EHD4: variants seen among roughly 807,000 people sequenced by gnomAD.
EHD4 encodes EH domain-containing protein 4.
Under a neutral mutation model 51.0 loss-of-function variants are expected in EHD4, and 37 were observed. That is an observed-to-expected ratio of 0.73 (90% CI 0.56 to 0.95). EHD4 has a LOEUF of 0.95. Ranked by LOEUF, EHD4 falls within the 40% of genes least tolerant of loss-of-function variation. The probability of loss-of-function intolerance (pLI) is 0.00; values close to 1 mark genes in which losing one functional copy is unlikely to be tolerated. For synonymous variants in EHD4, 297 were observed against 317.3 expected (o/e 0.94, Z 0.68); for missense variants, 632 against 733.1 (o/e 0.86, Z 1.59).
rs1386619542 is a variant in EHD4, at chr15:41,896,512, C to T, written c.*4133G>A. ...ACCAAGGGGATGTGGTCAATCTCAT[C>T]CAAACCTCACTTGAAGTGAGGGTGG... is the stretch of plus-strand genomic sequence containing the variant. On this transcript the variant is annotated 3_prime_UTR_variant, in exon 6 of 6. Transcript: ENST00000220325. 1 of 152,084 alleles carries T rather than the reference C, an allele frequency of 6.6e-6. No individual in the cohort carries two copies. The highest frequency in any genetic ancestry group is 1.5e-5 in the Non-Finnish European group (1 of 68,022). 9.4% of individuals were successfully genotyped at this position (152,084 alleles called of 1,614,324 possible).
chr15:41,915,027 C>CAAGCCCAG (rs1312499602), intron 4 of EHD4, among the ~76,000 whole-genome samples: 2 of 151,930 alleles, frequency 1.3e-5, no homozygotes, highest in Non-Finnish European at 2.9e-5. Context: ...AGTTACCCTC[C>CAAGCCCAG]AAGCCCAGAG....
chr15:41,948,657 G>T (rs1047071741), intron 2 of EHD4, among the ~76,000 whole-genome samples: 1 of 152,178 alleles, frequency 6.6e-6, no homozygotes, highest in East Asian at 1.9e-4. Context: ...GGGGGAAGCC[G>T]CACGTGCTTG....
intron 3 of EHD4, among the ~76,000 whole-genome samples, chr15:41,936,585 G>T (rs1019926051): frequency 2.0e-5 from 3 of 152,198 alleles, no homozygotes; most frequent in African/African-American, 7.2e-5. Flanking sequence ...TATATGCAAA[G>T]TAAGTGAAGT....
At chr15:41,915,658 T>G (rs972373397) in intron 4 of EHD4, among the ~76,000 whole-genome samples, 1 of 152,226 alleles carries the variant, frequency 6.6e-6, no homozygotes, top group Non-Finnish European at 1.5e-5. Flanking sequence ...TGAGTCTAAT[T>G]TCTTTAATTT....
At chr15:41,949,051 T>TATATATATATATATATATATATATATAC (rs1491135423) in intron 2 of EHD4, among the ~76,000 whole-genome samples, 10 of 109,422 alleles carry the variant, frequency 9.1e-5, no homozygotes, top group Non-Finnish European at 1.5e-4. Flanking sequence ...TATATATATA[T>TATATATATATATATATATATATATATAC]ACACACATAC....
chr15:41,928,597 A>T (rs1464194457), intron 3 of EHD4: 4 of 152,256 alleles, frequency 2.6e-5, no homozygotes, highest in African/African-American at 9.6e-5. Context: ...GAAAACAAAT[A>T]TGCATATTGT....
intron 2 of EHD4, among the ~76,000 whole-genome samples, chr15:41,946,386 C>G (rs2067814965): frequency 6.6e-6 from 1 of 152,112 alleles, no homozygotes; most frequent in African/African-American, 2.4e-5. Context: ...AAGTAATGGT[C>G]CAGGCTATGA....
chr15:41,906,414 G>A (rs1181167380), intron 5 of EHD4, among the ~76,000 whole-genome samples: 1 of 152,174 alleles, frequency 6.6e-6, no homozygotes, highest in Non-Finnish European at 1.5e-5. Context: ...CCTCTTCACT[G>A]AGAGTTGTTT....
chr15:41,912,329 C>T (rs139275523), intron 4 of EHD4, among the ~76,000 whole-genome samples: 5 of 152,280 alleles, frequency 3.3e-5, no homozygotes, highest in Admixed American at 2.6e-4. Context: ...TGTCCACCCG[C>T]GTCCTGCCCT....
At chr15:41,905,031 T>C (rs1039048118) in intron 5 of EHD4, among the ~76,000 whole-genome samples, 2 of 152,248 alleles carry the variant, frequency 1.3e-5, no homozygotes, top group Non-Finnish European at 2.9e-5. Flanking sequence ...CAGCGAGCTC[T>C]CTGCGTGACC....
intron 3 of EHD4, among the ~76,000 whole-genome samples, chr15:41,922,332 G>A (rs1186386540): frequency 4.6e-5 from 7 of 152,288 alleles, no homozygotes; most frequent in Admixed American, 1.3e-4. Flanking sequence ...GAGGCAGTGA[G>A]CCATGGACCC....
chr15:41,907,487 C>G (rs1426832841), intron 5 of EHD4, among the ~76,000 whole-genome samples: 1 of 152,176 alleles, frequency 6.6e-6, no homozygotes, highest in East Asian at 1.9e-4. Context: ...CATTTCACTG[C>G]TGGAAGAAAA....
At chr15:41,946,000 T>G (rs1414862507) in intron 2 of EHD4, among the ~76,000 whole-genome samples, 4 of 152,198 alleles carry the variant, frequency 2.6e-5, no homozygotes, top group African/African-American at 9.6e-5. Flanking sequence ...AAGGTTGTGG[T>G]GAGCCTGGAG....
chr15:41,955,907 A>C (rs1260213740), intron 1 of EHD4, among the ~76,000 whole-genome samples: 1 of 151,788 alleles, frequency 6.6e-6, no homozygotes, highest in East Asian at 1.9e-4. Context: ...GCCAGATCAC[A>C]CTCTTGCCTC....
At chr15:41,919,902 C>T (rs1182971066) in intron 3 of EHD4, among the ~76,000 whole-genome samples, 1 of 152,234 alleles carries the variant, frequency 6.6e-6, no homozygotes, top group Non-Finnish European at 1.5e-5. Flanking sequence ...ATTTAGTCCT[C>T]ATGAGTGTTT....
chr15:41,966,261 C>T (rs2067961032), intron 1 of EHD4, among the ~76,000 whole-genome samples: 1 of 152,146 alleles, frequency 6.6e-6, no homozygotes, highest in South Asian at 2.1e-4. Context: ...AGGCACACCT[C>T]TTGGCAAGGT....
rs972638211 is a variant in EHD4 at position 41,959,265 on chromosome 15, G to A, written c.237-5325C>T. ...AATAAAATTAGCCAGGCATGGTGGCGGGCGCCTGTAGTCCCAGCTACTCGG... is the reference window on the plus strand; with the variant it reads ...AATAAAATTAGCCAGGCATGGTGGCAGGCGCCTGTAGTCCCAGCTACTCGG... On this transcript the variant is annotated intron_variant, in intron 1 of 5. Coordinates refer to ENST00000220325, the MANE Select transcript of EHD4 (RefSeq NM_139265.4). Among the ~76,000 whole-genome samples, 27 of 151,872 alleles carry A rather than the reference G, an allele frequency of 1.8e-4. No homozygotes were observed. The East Asian group carries it at 2.9e-3, about 16-fold the overall frequency.
rs1369806630 is a variant in EHD4, at chr15:41,898,879, C to G, written c.*1766G>C. 1 of 152,168 alleles carries G rather than the reference C, an allele frequency of 6.6e-6. No homozygotes were observed. Among genetic ancestry groups the G allele is most frequent in the South Asian group, 2.1e-4 (1 of 4,820 alleles). The allele number at this position is 152,168 out of a possible 1,614,324, so 9.4% of individuals were successfully genotyped here. A position where few individuals can be genotyped will look rare whatever the true frequency, so the allele number is the denominator to read the frequency against. On this transcript the variant is annotated 3_prime_UTR_variant, in exon 6 of 6. Transcript: ENST00000220325. Reference sequence around the variant, plus strand: ...AAATAATAAATGGTTCTTTTCTATGCGTCTAATGAATTTAAGTGCTTGTTA... The same window carrying G: ...AAATAATAAATGGTTCTTTTCTATGGGTCTAATGAATTTAAGTGCTTGTTA...
At chr15:41,911,810 T>C (rs1227577946) in intron 4 of EHD4, among the ~76,000 whole-genome samples, 3 of 152,128 alleles carry the variant, frequency 2.0e-5, no homozygotes, top group Non-Finnish European at 4.4e-5. Flanking sequence ...AGCAGCTGCC[T>C]AGGCCTCTGT....
Sources: allele counts gnomAD v4.1 joint callset (sites outside exome capture counted in the v4.1 genomes callset), GRCh38; gene constraint gnomAD v4.1.1; transcripts MANE v1.5; gene names NCBI Gene and HGNC (gene_info 2026-07-23, HGNC 2026-07-21).